Variants in AFF3 observed in about 807,000 individuals in gnomAD.
The protein encoded by AFF3 is AF4/FMR2 family member 3.
AFF3 carries 32 observed loss-of-function variants against 129.7 expected under a neutral mutation model. The ratio of observed to expected loss-of-function variants is 0.25; its 90% confidence interval spans 0.19 to 0.33. The LOEUF (loss-of-function observed/expected upper bound fraction) is 0.33. AFF3 is among the 10% of genes least tolerant of loss of function. The pLI is 1.00. For missense variants in AFF3, 1,373 were observed against 1,592.0 expected (o/e 0.86, Z 2.34); for synonymous variants, 644 against 635.4 (o/e 1.01, Z -0.20).
intron 17 of AFF3, among the ~76,000 whole-genome samples, chr2:99,579,416 A>AC (rs1166639191): frequency 6.9e-6 from 1 of 144,376 alleles, no homozygotes; most frequent in Admixed American, 7.0e-5. Flanking sequence ...AAAAAAAAAA[A>AC]AAAATAAATA....
intron 11 of AFF3, among the ~76,000 whole-genome samples, chr2:99,674,748 AT>A (rs1477213192): frequency 6.6e-6 from 1 of 152,172 alleles, no homozygotes; most frequent in African/African-American, 2.4e-5. Flanking sequence ...TTGGAAGGCC[AT>A]CATCCCCCAG....
intron 11 of AFF3, among the ~76,000 whole-genome samples, chr2:99,690,241 C>T (rs958016447): frequency 9.5e-5 from 14 of 147,722 alleles, no homozygotes; most frequent in East Asian, 2.0e-4. Flanking sequence ...AGTGCAGTGG[C>T]GCGATCTCGG....
chr2:100,122,091 A>G (rs1261493421), intron 2 of AFF3, among the ~76,000 whole-genome samples: 1 of 152,226 alleles, frequency 6.6e-6, no homozygotes, highest in East Asian at 1.9e-4. Context: ...AAATAAATAA[A>G]AAATAACAAG....
At chr2:99,559,030 T>C (rs1420375011) in intron 21 of AFF3, 62 bp from the exon 22 acceptor site, 2 of 1,477,568 alleles carry the variant, frequency 1.4e-6, no homozygotes. Context: ...AAACAAGACT[T>C]AAACATTTTT....
intron 7 of AFF3, among the ~76,000 whole-genome samples, chr2:99,857,215 A>G: frequency 6.6e-6 from 1 of 152,226 alleles, no homozygotes; most frequent in Admixed American, 6.5e-5. Flanking sequence ...TATCTGTTTG[A>G]GAGCTCATTT....
At chr2:99,860,126 T>C (rs1277818757) in intron 7 of AFF3, among the ~76,000 whole-genome samples, 1 of 152,168 alleles carries the variant, frequency 6.6e-6, no homozygotes, top group Admixed American at 6.5e-5. Flanking sequence ...TATTAAAATA[T>C]TTAATTGTGG....
intron 7 of AFF3, among the ~76,000 whole-genome samples, chr2:99,942,275 A>C (rs533680420): frequency 6.6e-6 from 1 of 152,180 alleles, no homozygotes; most frequent in Non-Finnish European, 1.5e-5. Context: ...GCATCCATTT[A>C]ACAGATGTCT....
In AFF3 at chr2:99,587,134, T is replaced by C. The variant is rs762335605; in HGVS notation, c.2591+20A>G. On this transcript the variant is annotated intron_variant, in intron 16 of 24. Coordinates refer to ENST00000672756, the MANE Select transcript of AFF3 (RefSeq NM_001386135.1). ...AGAGATCTCTCCAGCTCACTTCCAC[T>C]TTGGAGGGAATGCACGTACCTGTTG... is the stretch of plus-strand genomic sequence containing the variant. 1 of 1,613,564 alleles carries C rather than the reference T, an allele frequency of 6.2e-7. No individual in the cohort carries two copies. The highest frequency in any genetic ancestry group is 8.5e-7 in the Non-Finnish European group (1 of 1,179,836).
chr2:100,070,317 T>C (rs973631592), intron 4 of AFF3, among the ~76,000 whole-genome samples: 9 of 150,478 alleles, frequency 6.0e-5, no homozygotes, highest in African/African-American at 2.2e-4. Context: ...TTTAACCTTT[T>C]GCAGATTAAA....
At chr2:99,912,445 A>T (rs1311822225) in intron 7 of AFF3, among the ~76,000 whole-genome samples, 1 of 152,168 alleles carries the variant, frequency 6.6e-6, no homozygotes, top group African/African-American at 2.4e-5. Context: ...ATTTACAACT[A>T]TGCTGTATGT....
chr2:99,866,015 G>A (rs79797411), intron 7 of AFF3, among the ~76,000 whole-genome samples: 2,325 of 152,274 alleles, frequency 0.015, 53 homozygotes, highest in African/African-American at 0.053. Context: ...GAAAACTTTC[G>A]CAATACTCAA....
chr2:99,880,411 CCAAA>C (rs1254345465), intron 7 of AFF3, among the ~76,000 whole-genome samples: 3 of 152,114 alleles, frequency 2.0e-5, no homozygotes, highest in Non-Finnish European at 4.4e-5. Context: ...TCGGGAAAGA[CCAAA>C]CAGACACCTG....
At chr2:99,670,063 C>T (rs1224351074) in intron 12 of AFF3, among the ~76,000 whole-genome samples, 1 of 152,132 alleles carries the variant, frequency 6.6e-6, no homozygotes, top group African/African-American at 2.4e-5. Flanking sequence ...CAAACAGAGA[C>T]ACTGAAGCAG....
At chr2:99,706,243 C>T (rs1677372837) in intron 11 of AFF3, among the ~76,000 whole-genome samples, 1 of 152,232 alleles carries the variant, frequency 6.6e-6, no homozygotes, top group Admixed American at 6.5e-5. Context: ...CTCTGATGTA[C>T]ACCCTGGTTA....
intron 7 of AFF3, among the ~76,000 whole-genome samples, chr2:99,838,604 G>A (rs1047942748): frequency 6.6e-6 from 1 of 152,132 alleles, no homozygotes; most frequent in Non-Finnish European, 1.5e-5. Flanking sequence ...CACCACGACG[G>A]CAATTCAATA....
At chr2:99,716,847 C>A (rs1274027909) in intron 11 of AFF3, among the ~76,000 whole-genome samples, 1 of 151,108 alleles carries the variant, frequency 6.6e-6, no homozygotes, top group African/African-American at 2.4e-5. Flanking sequence ...CACACCACTG[C>A]ACTCCAGCCT....
chr2:99,637,088 T>C (rs1343306900), intron 13 of AFF3, among the ~76,000 whole-genome samples: 1 of 150,502 alleles, frequency 6.6e-6, no homozygotes, highest in Non-Finnish European at 1.5e-5. Flanking sequence ...AGGACGGGAG[T>C]GGGTAGAGGG....
chr2:100,019,991 A>C (rs1683454457), intron 4 of AFF3, among the ~76,000 whole-genome samples: 1 of 152,158 alleles, frequency 6.6e-6, no homozygotes, highest in Admixed American at 6.5e-5. Context: ...CTCTGTATTT[A>C]GAAAAAGAGA....
At chr2:100,128,394 T>C (rs1692289428) in intron 2 of AFF3, among the ~76,000 whole-genome samples, 1 of 152,098 alleles carries the variant, frequency 6.6e-6, no homozygotes, top group Non-Finnish European at 1.5e-5. Flanking sequence ...CCTAGTTCTC[T>C]CTCTTTCCTC....
Sources: gnomAD v4.1 joint callset for allele counts (sites outside exome capture counted in the v4.1 genomes callset) on GRCh38, gnomAD v4.1.1 for gene constraint, MANE v1.5 for transcripts, NCBI Gene and HGNC (gene_info 2026-07-23, HGNC 2026-07-21) for gene names.